PAK2: variants seen among roughly 807,000 people sequenced by gnomAD.
The protein encoded by PAK2 is p21 (RAC1) activated kinase 2, also known as serine/threonine-protein kinase PAK 2.
PAK2 carries 21 observed loss-of-function variants against 65.9 expected under a neutral mutation model. That is an observed-to-expected ratio of 0.32 (90% CI 0.23 to 0.46). PAK2 has a LOEUF of 0.46. PAK2 is among the 20% of genes least tolerant of loss of function. The probability of loss-of-function intolerance (pLI) is 1.00; values close to 1 mark genes in which losing one functional copy is unlikely to be tolerated. For missense variants in PAK2, 324 were observed against 642.6 expected (o/e 0.50, Z 5.36); for synonymous variants, 204 against 219.7 (o/e 0.93, Z 0.63).
chr3:196,830,737 A>G lies in PAK2; in HGVS notation c.*2332A>G, dbSNP rs1259330291. On this transcript the variant is annotated 3_prime_UTR_variant, in exon 15 of 15. Transcript: ENST00000327134. ...GTTTATTCTTAAGTTACGTGGATAA[A>G]CTAACCTCTAACAGAAATATACTTT... 2 of 152,204 alleles carry G rather than the reference A, an allele frequency of 1.3e-5. No homozygotes were observed. The highest frequency in any genetic ancestry group is 2.9e-5 in the Non-Finnish European group (2 of 68,040). 9.4% of individuals were successfully genotyped at this position (152,204 alleles called of 1,614,324 possible).
chr3:196,749,773 TATC>T (rs1440415069), intron 1 of PAK2, among the ~76,000 whole-genome samples: 1 of 152,170 alleles, frequency 6.6e-6, no homozygotes, highest in African/African-American at 2.4e-5. Flanking sequence ...CATGTCATGT[TATC>T]ATTGTTTTGG....
At chr3:196,778,055 C>G (rs1320741400) in intron 1 of PAK2, among the ~76,000 whole-genome samples, 1 of 152,118 alleles carries the variant, frequency 6.6e-6, no homozygotes, top group Non-Finnish European at 1.5e-5. Flanking sequence ...TTCCCTCACT[C>G]CTTAGCAACC....
At position 196,740,042 on chromosome 3, in the gene PAK2, T is replaced by G; in HGVS notation, c.-137T>G. ...AGCGCGGCGTCTCTTCCCGCCCCGC[T>G]TCCCCTTCCCTCCCCTCCCCTCCCC... On this transcript the variant is annotated 5_prime_UTR_variant, in exon 1 of 15. Transcript: ENST00000327134. 1.3e-5 allele frequency: 2 copies of G among 150,056 alleles called. No homozygotes were observed. Among genetic ancestry groups the G allele is most frequent in the African/African-American group, 4.9e-5 (2 of 41,078 alleles). The allele number at this position is 150,056 out of a possible 1,614,324, so 9.3% of individuals were successfully genotyped here. A position where few individuals can be genotyped will look rare whatever the true frequency, so the allele number is the denominator to read the frequency against.
intron 2 of PAK2, among the ~76,000 whole-genome samples, chr3:196,795,824 T>C (rs1365483585): frequency 6.6e-6 from 1 of 152,182 alleles, no homozygotes; most frequent in Non-Finnish European, 1.5e-5. Flanking sequence ...AAATGTGGAC[T>C]CACAGGAAAG....
intron 11 of PAK2, among the ~76,000 whole-genome samples, chr3:196,815,514 T>C (rs1030983610): frequency 2.1e-5 from 3 of 145,660 alleles, no homozygotes; most frequent in Admixed American, 6.9e-5. Flanking sequence ...AGAGGCTGGG[T>C]ACAGTGTCTC....
chr3:196,776,015 A>G (rs2108733936), intron 1 of PAK2, among the ~76,000 whole-genome samples: 1 of 152,356 alleles, frequency 6.6e-6, no homozygotes, highest in African/African-American at 2.4e-5. Context: ...TGGGGTATGT[A>G]GGTGAAGGGT....
chr3:196,801,900 T>C, intron 2 of PAK2, 27 bp from the exon 3 acceptor site: 1 of 1,152,804 alleles, frequency 8.7e-7, no homozygotes, highest in Non-Finnish European at 1.3e-6. Context: ...AGGCTGATTC[T>C]TTCTCTTTTT....
At position 196,827,256 on chromosome 3, in the gene PAK2, C is replaced by A. The variant is rs760656437; in HGVS notation, c.1411C>A (p.Pro471Thr). 2 of 1,611,944 alleles carry A rather than the reference C, an allele frequency of 1.2e-6. No individual in the cohort carries two copies. Among genetic ancestry groups the A allele is most frequent in the Non-Finnish European group, 8.5e-7 (1 of 1,178,394 alleles). ...PELQNPEKLS[P>T]IFRDFLNRCL... is the part of the protein sequence containing the mutation. ...ACTTCAGAATCCAGAGAAACTTTCCCCAATATTTCGGGATTTCTTAAATCG... is the reference window on the plus strand; with the variant it reads ...ACTTCAGAATCCAGAGAAACTTTCCACAATATTTCGGGATTTCTTAAATCG... Residue 471 changes from proline to threonine, a missense_variant, in exon 14 of 15, where the codon CCA (proline) becomes ACA (threonine). This residue lies in a region of PAK2 where 43 missense variants were observed against 67.6 expected (regional missense o/e 0.64). Coordinates refer to ENST00000327134, the MANE Select transcript of PAK2 (RefSeq NM_002577.4).
intron 1 of PAK2, among the ~76,000 whole-genome samples, chr3:196,755,855 A>T (rs1713750925): frequency 1.3e-5 from 2 of 151,894 alleles, no homozygotes; most frequent in South Asian, 4.1e-4. Flanking sequence ...TCCTGGGTTC[A>T]GGCGATTCTG....
At chr3:196,793,825 G>A (rs902793516) in intron 2 of PAK2, among the ~76,000 whole-genome samples, 22 of 152,078 alleles carry the variant, frequency 1.4e-4, no homozygotes, top group East Asian at 1.9e-4. Flanking sequence ...AAAGAAGAGT[G>A]GAAGATAATC....
Position 196,739,927 on chromosome 3 carries a change from G to T in PAK2, c.-252G>T, listed in dbSNP as rs891127131. 1 of 152,124 alleles carries T rather than the reference G, an allele frequency of 6.6e-6. No individual in the cohort carries two copies. Among genetic ancestry groups the T allele is most frequent in the South Asian group, 2.1e-4 (1 of 4,834 alleles). 9.4% of individuals were successfully genotyped at this position (152,124 alleles called of 1,614,324 possible). ...TTCCGCTTCCCCTCCGGCCCGGGCCGTCGCCATTGCCGAAGGCTCCCTCCC... is the reference window on the plus strand; with the variant it reads ...TTCCGCTTCCCCTCCGGCCCGGGCCTTCGCCATTGCCGAAGGCTCCCTCCC... On this transcript the variant is annotated 5_prime_UTR_variant, in exon 1 of 15. Coordinates refer to ENST00000327134, the MANE Select transcript of PAK2 (RefSeq NM_002577.4).
chr3:196,831,175 A>C lies in PAK2; in HGVS notation c.*2770A>C, dbSNP rs922653162. On this transcript the variant is annotated 3_prime_UTR_variant, in exon 15 of 15. Transcript: ENST00000327134. ...AGTGCTGCAGTTACAGGCGTGAGCC[A>C]CTGCACCTGGCCTCATGTTTTTTAA... The C allele has an allele frequency of 6.6e-6, 1 of 152,240 alleles. No individual in the cohort carries two copies. Among genetic ancestry groups the C allele is most frequent in the African/African-American group, 2.4e-5 (1 of 41,450 alleles). The allele number at this position is 152,240 out of a possible 1,614,324, so 9.4% of individuals were successfully genotyped here. A position where few individuals can be genotyped will look rare whatever the true frequency, so the allele number is the denominator to read the frequency against.
intron 1 of PAK2, among the ~76,000 whole-genome samples, chr3:196,745,988 TTTTTTTC>T (rs1483945309): frequency 2.0e-5 from 3 of 152,048 alleles, no homozygotes; most frequent in Non-Finnish European, 2.9e-5. Flanking sequence ...TAACCTTTTT[TTTTTTTC>T]TTTTTCTTTC....
intron 1 of PAK2, among the ~76,000 whole-genome samples, chr3:196,769,677 C>T (rs1417764100): frequency 6.6e-6 from 1 of 150,954 alleles, no homozygotes; most frequent in Non-Finnish European, 1.5e-5. Context: ...ATTAGCTGGG[C>T]GTGGTGGTAG....
intron 2 of PAK2, among the ~76,000 whole-genome samples, chr3:196,800,702 A>C (rs1395039293): frequency 1.3e-5 from 2 of 152,180 alleles, no homozygotes; most frequent in African/African-American, 4.8e-5. Flanking sequence ...GTGTACAGAC[A>C]ATTGACTTTC....
At chr3:196,762,849 G>A (rs968299887) in intron 1 of PAK2, among the ~76,000 whole-genome samples, 10 of 151,968 alleles carry the variant, frequency 6.6e-5, no homozygotes, top group African/African-American at 2.2e-4. Context: ...TTTCAAGGAA[G>A]TGTGCAAGTA....
chr3:196,787,447 CAG>C (rs1714927307), intron 2 of PAK2, among the ~76,000 whole-genome samples: 1 of 151,948 alleles, frequency 6.6e-6, no homozygotes. Context: ...GGCATGGTGG[CAG>C]GTGCCTGTAG....
chr3:196,827,481 T>C, intron 14 of PAK2, 148 bp downstream of exon 14: 1 of 1,465,494 alleles, frequency 6.8e-7, no homozygotes. Flanking sequence ...CATCCTACCA[T>C]GCTGAGCAAA....
chr3:196,812,034 C>T (rs896845529), intron 8 of PAK2, among the ~76,000 whole-genome samples, 185 bp from the exon 9 acceptor site: 3 of 151,870 alleles, frequency 2.0e-5, no homozygotes, highest in East Asian at 1.9e-4. Context: ...TAAGTTTTGC[C>T]GTAAGGATTG....
Sources: allele counts gnomAD v4.1 joint callset (sites outside exome capture counted in the v4.1 genomes callset), GRCh38; gene constraint gnomAD v4.1.1; regional missense constraint gnomAD v4.1.1; transcripts MANE v1.5; gene names NCBI Gene and HGNC (gene_info 2026-07-23, HGNC 2026-07-21).